The following MICAL1 variants were observed in gnomAD, a reference collection of about 807,000 sequenced individuals.
MICAL1 encodes [F-actin]-monooxygenase MICAL1.
In MICAL1, 95 loss-of-function variants were observed where a neutral mutation model predicts 131.8. The ratio of observed to expected loss-of-function variants is 0.72; its 90% CI spans 0.61 to 0.86. The LOEUF (loss-of-function observed/expected upper bound fraction) is 0.86, where lower values mean the gene tolerates loss of function less well. Among genes scored for constraint, MICAL1 ranks in the 40% least tolerant of loss-of-function variants. The probability of loss-of-function intolerance (pLI) is 0.00; values close to 1 mark genes in which losing one functional copy is unlikely to be tolerated. For missense variants in MICAL1, 1,292 were observed against 1,380.6 expected (o/e 0.94, Z 1.02); for synonymous variants, 546 against 554.2 (o/e 0.99, Z 0.21).
upstream of MICAL1, chr6:109,455,872 C>T (rs939825357): frequency 1.6e-4 from 158 of 985,428 alleles, 3 homozygotes; most frequent in Middle Eastern, 5.2e-4. The surrounding 1 kb of genome is among the most constrained non-coding windows in gnomAD (Gnocchi z 4.7). Context: ...CCTGGAGTCG[C>T]GCGGAGTGTG....
Position 109,447,714 on chromosome 6 carries a change from T to C in MICAL1, c.1953A>G (p.Ala651=). ...GCAGCTTCTTGCCACCAGCATCCTCTGCATTTTCCTGCAATAAGTCCTAAC... is the reference window on the plus strand; with the variant it reads ...GCAGCTTCTTGCCACCAGCATCCTCCGCATTTTCCTGCAATAAGTCCTAAC... ...TLQRSRAKEN[A]EDAGGKKLRL... The change falls in exon 15 of 25, where the codon GCA becomes GCG. Residue 651 remains alanine (A), a synonymous_variant. Transcript: ENST00000358807. The C allele has an allele frequency of 6.2e-7, 1 of 1,614,100 alleles. No individual in the cohort carries two copies. Among genetic ancestry groups the C allele is most frequent in the Non-Finnish European group, 8.5e-7 (1 of 1,179,994 alleles).
intron 6 of MICAL1, 39 bp from the exon 7 acceptor site, chr6:109,451,739 G>A: frequency 1.2e-6 from 2 of 1,610,076 alleles, no homozygotes; most frequent in South Asian, 2.2e-5. Flanking sequence ...TATGTCTCCT[G>A]ATAATGCATC....
upstream of MICAL1, among the ~76,000 whole-genome samples, chr6:109,459,742 A>G (rs1392819412): frequency 2.0e-5 from 3 of 152,244 alleles, no homozygotes; most frequent in Non-Finnish European, 4.4e-5. Flanking sequence ...TATTTTTGTA[A>G]TAAGACTGCC....
Position 109,450,045 on chromosome 6 carries a change from A to G in MICAL1, c.1232T>C (p.Leu411Pro), listed in dbSNP as rs756162065. ...PLGTGVARGF[L>P]AAFDAAWMVK... Reference sequence around the variant, plus strand: ...CATCCAGGCTGCATCAAAGGCTGCCAGGAAGCCCCGTGCCACTCCAGTGCC... The same window carrying G: ...CATCCAGGCTGCATCAAAGGCTGCCGGGAAGCCCCGTGCCACTCCAGTGCC... The change falls in exon 9 of 25, where the codon CTG (leucine) becomes CCG (proline). Residue 411 changes from leucine (L) to proline (P), a missense_variant. Leu to Pro is a moderately conservative substitution (Grantham distance 98, BLOSUM62 -3). Transcript: ENST00000358807. The G allele has an allele frequency of 6.2e-7, 1 of 1,614,102 alleles. No homozygotes were observed. The highest frequency in any genetic ancestry group is 8.5e-7 in the Non-Finnish European group (1 of 1,179,988).
rs756821057 is a variant in MICAL1 at position 109,450,500 on chromosome 6, G to A, written c.991C>T (p.Gln331Ter). ...TCAGCAGCTGCCCGGGTAAAGCGCT[G>A]CAGAGCCTCGGGCACCACATTGGCA... The part of the protein sequence containing the change: ...GSANVVPEAL[Q>*]RFTRAAADFA... The change falls in exon 8 of 25, where the codon CAG becomes TAG. Residue 331 changes from glutamine to a stop codon, truncating the protein, a stop_gained. Transcript: ENST00000358807. LOFTEE classifies it high-confidence loss of function. 1 of 1,613,064 alleles carries A rather than the reference G, an allele frequency of 6.2e-7. No individual in the cohort carries two copies. Among genetic ancestry groups the A allele is most frequent in the Non-Finnish European group, 8.5e-7 (1 of 1,179,870 alleles).
chr6:109,448,231 A>G lies in MICAL1; in HGVS notation c.1827T>C (p.Ser609=). ...GGCTGTGGGCCATGCTCTTGAAGGC[A>G]CTGTGGAAGTGGCTGAGGTAGGCAA... ...GLIAYLSHFH[S]AFKSMAHSPG... The change falls in exon 13 of 25, where the codon AGT becomes AGC. Residue 609 remains serine (S), a synonymous_variant. Transcript: ENST00000358807. 6.2e-7 allele frequency: 1 copy of G among 1,613,232 alleles called. No individual in the cohort carries two copies. Among genetic ancestry groups the G allele is most frequent in the South Asian group, 1.1e-5 (1 of 91,076 alleles).
Position 109,446,698 on chromosome 6 carries a change from G to C in MICAL1, c.2302C>G (p.Pro768Ala), listed in dbSNP as rs1168561566. The C allele has an allele frequency of 6.2e-7, 1 of 1,613,552 alleles. No homozygotes were observed. Among genetic ancestry groups the C allele is most frequent in the Admixed American group, 1.7e-5 (1 of 59,970 alleles). Residue 768 changes from proline to alanine, a missense_variant and splice_region_variant, in exon 18 of 25, where the codon CCG becomes GCG. By Grantham distance (27) the Pro-to-Ala change is conservative. Coordinates refer to ENST00000358807, the MANE Select transcript of MICAL1 (RefSeq NM_022765.4). ...AEGSDRGPES[P>A]ELPTPSENSM... ...ACATACACGCCTTCAGTCTTTACCG[G>C]ACTCTCAGGGCCTCTATCGCTGCCT...
At position 109,451,678 on chromosome 6, in the gene MICAL1, C is replaced by G; in HGVS notation, c.855G>C (p.Val285=). 1 of 1,614,036 alleles carries G rather than the reference C, an allele frequency of 6.2e-7. No individual in the cohort carries two copies. Among genetic ancestry groups the G allele is most frequent in the African/African-American group, 1.3e-5 (1 of 75,044 alleles). ...AGTAGTGGGTGTCGTCCTTGTAGTA[C>G]ACAATGTTCTCCAGATCAATGCCTG... ...KATGIDLENI[V]YYKDDTHYFV... The change falls in exon 7 of 25, where the codon GTG becomes GTC. Residue 285 remains valine (V), a synonymous_variant. Transcript: ENST00000358807.
Position 109,448,368 on chromosome 6 carries a change from C to G in MICAL1, c.1690G>C (p.Gly564Arg). Reference protein sequence around the residue: ...LLEPSELQGLGALEATAWALK... With the variant: ...LLEPSELQGLRALEATAWALK... ...GCCCAAGCAGTTGCTTCCAGAGCTC[C>G]CAGCCCCTGCAGCTCTGAGGGTTCC... The change falls in exon 13 of 25, where the codon GGA (glycine) becomes CGA (arginine). Residue 564 changes from glycine to arginine, a missense_variant. Gly to Arg is a moderately radical substitution (Grantham distance 125). Transcript: ENST00000358807. 6.2e-7 allele frequency: 1 copy of G among 1,613,840 alleles called. No individual in the cohort carries two copies.
chr6:109,463,649 A>C (rs1457447724), intron 1 of MICAL1: 1 of 152,250 alleles, frequency 6.6e-6, no homozygotes, highest in Non-Finnish European at 1.5e-5. Context: ...ATCTAAATAC[A>C]GATCAAGTAT....
chr6:109,447,273 A>G (rs1345644978), intron 16 of MICAL1, 44 bp from the exon 17 acceptor site: 3 of 1,613,898 alleles, frequency 1.9e-6, no homozygotes, highest in Non-Finnish European at 2.5e-6. Flanking sequence ...AGCCAAGGCC[A>G]GCTCCAAAGT....
chr6:109,445,257 C>T lies in MICAL1; in HGVS notation c.2821G>A (p.Ala941Thr), dbSNP rs1353269710. 6.2e-7 allele frequency: 1 copy of T among 1,614,132 alleles called. No individual in the cohort carries two copies. Among genetic ancestry groups the T allele is most frequent in the East Asian group, 2.2e-5 (1 of 44,884 alleles). Residue 941 changes from alanine (A) to threonine (T), a missense_variant, in exon 22 of 25, where the codon GCC becomes ACC. Transcript: ENST00000358807. ...CCCTCGGCCTCTAGCTCCCTCAAGG[C>T]AGCCTCAATCTCATTTAGTCGCCGT... ...IQRRLNEIEA[A>T]LRELEAEGVK...
chr6:109,445,848 C>T lies in MICAL1; in HGVS notation c.2596G>A (p.Glu866Lys). The T allele has an allele frequency of 6.2e-7, 1 of 1,605,140 alleles. No individual in the cohort carries two copies. The highest frequency in any genetic ancestry group is 8.5e-7 in the Non-Finnish European group (1 of 1,175,572). The change falls in exon 20 of 25, where the codon GAG (glutamate) becomes AAG (lysine). Residue 866 changes from glutamate to lysine, a missense_variant. Glu to Lys is a moderately conservative substitution (Grantham distance 56, BLOSUM62 1). Transcript: ENST00000358807. ...VQSPQALVAM[E>K]KEEKESPFSS... Reference sequence around the variant, plus strand: ...AAGGGACTCTCTTTTTCCTCCTTCTCCATGGCCACAAGAGCTGAGAAGAAG... The same window carrying T: ...AAGGGACTCTCTTTTTCCTCCTTCTTCATGGCCACAAGAGCTGAGAAGAAG...
chr6:109,447,825 C>T, intron 14 of MICAL1, 50 bp downstream of exon 14: 2 of 1,610,762 alleles, frequency 1.2e-6, no homozygotes, highest in Non-Finnish European at 1.7e-6. Flanking sequence ...ACTGGGTACC[C>T]CCCTGCCCAC....
rs137916380 is a variant in MICAL1 at position 109,447,888 on chromosome 6, C to T, written c.1931G>A (p.Arg644Gln). 1.5e-5 allele frequency: 25 copies of T among 1,613,208 alleles called. No individual in the cohort carries two copies. Among genetic ancestry groups the T allele is most frequent in the Admixed American group, 1.3e-4 (8 of 59,932 alleles). The change falls in exon 14 of 25, where the codon CGA becomes CAA. Residue 644 changes from arginine to glutamine, a missense_variant. By Grantham distance (43) the Arg-to-Gln change is conservative. Coordinates refer to ENST00000358807, the MANE Select transcript of MICAL1 (RefSeq NM_022765.4). ...TAAACTCTCCACCTTGGCCCGGGAT[C>T]GCTGCAGGGTCCTCTGAAGTTTACT... ...FLSKLQRTLQRSRAKENAEDA... is the reference protein window; with the variant it reads ...FLSKLQRTLQQSRAKENAEDA...
intron 12 of MICAL1, 155 bp from the exon 13 acceptor site, chr6:109,448,548 C>T: frequency 1.6e-6 from 2 of 1,243,140 alleles, no homozygotes; most frequent in Non-Finnish European, 2.3e-6. Flanking sequence ...GTGCCCAACC[C>T]AGTGACACTA....
In MICAL1 at chr6:109,448,315, G is replaced by A. The variant is rs1158275491; in HGVS notation, c.1743C>T (p.Gly581=). Residue 581 remains glycine (G), a synonymous_variant, in exon 13 of 25, where the codon GGC becomes GGT. Coordinates refer to ENST00000358807, the MANE Select transcript of MICAL1 (RefSeq NM_022765.4). ...CCTGTGCAGACACCACCGGTGTGAT[G>A]CCCAGCTCATTCTCTGCCACCTTTA... The part of the protein sequence containing the change: ...WALKVAENEL[G]ITPVVSAQAV... The A allele has an allele frequency of 3.1e-6, 5 of 1,613,932 alleles. No individual in the cohort carries two copies. In the African/African-American group the frequency reaches 4.0e-5, roughly 13 times the overall value.
Position 109,451,733 on chromosome 6 carries a change from T to C in MICAL1, c.833-33A>G, listed in dbSNP as rs745995576. ...TACAGGGCAGGGGACAGTAGATATG[T>C]CTCCTGATAATGCATCACCTTCCCT... is the stretch of plus-strand genomic sequence containing the variant. On this transcript the variant is annotated intron_variant, in intron 6 of 24. Coordinates refer to ENST00000358807, the MANE Select transcript of MICAL1 (RefSeq NM_022765.4). The C allele has an allele frequency of 3.1e-6, 5 of 1,611,102 alleles. No homozygotes were observed. The East Asian group carries it at 1.1e-4, about 36-fold the overall frequency.
chr6:109,455,800 C>A, upstream of MICAL1: 3 of 180,896 alleles, frequency 1.7e-5, no homozygotes, highest in Non-Finnish European at 1.9e-5. This position sits in a 1 kb window ranked among gnomAD's most constrained non-coding sequence, Gnocchi z 4.7. Context: ...GGGGCGGGGG[C>A]GGGGGCGGAA....
Sources: allele counts gnomAD v4.1 joint callset (sites outside exome capture counted in the v4.1 genomes callset), GRCh38; gene constraint gnomAD v4.1.1; non-coding constraint Gnocchi (gnomAD v3.1); transcripts MANE v1.5; gene names NCBI Gene and HGNC (gene_info 2026-07-23, HGNC 2026-07-21).